PRKCD: variants seen among roughly 807,000 people sequenced by gnomAD.
PRKCD encodes protein kinase C delta type.
A neutral mutation model predicts 82.2 loss-of-function variants in PRKCD; 20 were observed. The observed-to-expected ratio is 0.24, with a 90% CI of 0.17 to 0.35. The LOEUF is 0.35. Among genes scored for constraint, PRKCD ranks in the 10% least tolerant of loss-of-function variants. The pLI, the probability that PRKCD is intolerant of heterozygous loss-of-function variation, is 1.00. For missense variants in PRKCD, 607 were observed against 899.0 expected (o/e 0.68, Z 4.15); for synonymous variants, 317 against 337.0 (o/e 0.94, Z 0.65).
intron 9 of PRKCD, 115 bp downstream of exon 9, chr3:53,183,696 C>T (rs982482621): frequency 7.1e-7 from 1 of 1,412,810 alleles, no homozygotes; most frequent in African/African-American, 1.4e-5. Context: ...GCACCTCATT[C>T]AGGGACCTGA....
rs1702950522 is a variant in PRKCD at position 53,169,593 on chromosome 3, G to A, written c.-20+4378G>A. Among the ~76,000 whole-genome samples the A allele has an allele frequency of 6.6e-6, 1 of 152,150 alleles. No homozygotes were observed. On this transcript the variant is annotated intron_variant, in intron 2 of 18. Transcript: ENST00000330452. The surrounding 1 kb of genome is among the most constrained non-coding windows in gnomAD (Gnocchi z 4.7). ...ATCAGATGTCTGCGTGGTGTAGGTT[G>A]TGGGCTGGGGTTGTTGGGGTGGGAG...
rs565695723 is a variant in PRKCD, at chr3:53,168,837, G to C, written c.-20+3622G>C. ...GTCAGGGAGGTAACGGTGATGGGGA[G>C]GGGGGTGGCGGGGGGCAGGCTGCAT... On this transcript the variant is annotated intron_variant, in intron 2 of 18. Coordinates refer to ENST00000330452, the MANE Select transcript of PRKCD (RefSeq NM_006254.4). Among the ~76,000 whole-genome samples, 147 of 151,130 alleles carry C rather than the reference G, an allele frequency of 9.7e-4. 1 individual carries two copies. The highest frequency in any genetic ancestry group is 3.5e-3 in the African/African-American group (142 of 41,086).
chr3:53,184,687 A>AG (rs1326529677), intron 9 of PRKCD, among the ~76,000 whole-genome samples, 187 bp from the exon 10 acceptor site: 1 of 151,208 alleles, frequency 6.6e-6, no homozygotes, highest in Non-Finnish European at 1.5e-5. Context: ...AAAAAAAAAA[A>AG]AAAAGAGAGA....
chr3:53,170,879 G>T (rs967627808), intron 2 of PRKCD, among the ~76,000 whole-genome samples: 7 of 152,062 alleles, frequency 4.6e-5, no homozygotes, highest in African/African-American at 1.7e-4. Flanking sequence ...GTCGGGTGTG[G>T]TCTGTGTGGG....
intron 1 of PRKCD, 114 bp downstream of exon 1, chr3:53,161,542 G>A (rs1189146211): frequency 4.0e-5 from 6 of 151,274 alleles, no homozygotes; most frequent in Non-Finnish European, 8.9e-5. Flanking sequence ...CTGAGCCGCG[G>A]TCAGCGAAAG....
rs1468361807 is a variant in PRKCD at position 53,169,957 on chromosome 3, A to G, written c.-20+4742A>G. On this transcript the variant is annotated intron_variant, in intron 2 of 18. Coordinates refer to ENST00000330452, the MANE Select transcript of PRKCD (RefSeq NM_006254.4). This position sits in a 1 kb window ranked among gnomAD's most constrained non-coding sequence, Gnocchi z 4.7. Reference sequence around the variant, plus strand: ...TCCTCTGTCCGCTGCCTGCTGTGGGATGGCGCACCATGCGGGATGGTCCTG... The same window carrying G: ...TCCTCTGTCCGCTGCCTGCTGTGGGGTGGCGCACCATGCGGGATGGTCCTG... Among the ~76,000 whole-genome samples the G allele has an allele frequency of 3.9e-5, 6 of 152,192 alleles. No homozygotes were observed. Among genetic ancestry groups the G allele is most frequent in the Admixed American group, 2.6e-4 (4 of 15,288 alleles).
rs781898358 is a variant in PRKCD at position 53,186,079 on chromosome 3, C to T, written c.1086+52C>T. 9.9e-6 allele frequency: 16 copies of T among 1,610,714 alleles called. No homozygotes were observed. In the South Asian group the frequency reaches 1.3e-4, roughly 13 times the overall value. ...TTCCCACCCCACCCTGGCTTCTTCC[C>T]GCTTAGGTGGCTGAGGTGGGAGTCT... On this transcript the variant is annotated intron_variant, in intron 12 of 18. Coordinates refer to ENST00000330452, the MANE Select transcript of PRKCD (RefSeq NM_006254.4).
intron 2 of PRKCD, among the ~76,000 whole-genome samples, chr3:53,175,462 A>G (rs991813819): frequency 2.0e-5 from 3 of 152,078 alleles, no homozygotes; most frequent in South Asian, 2.1e-4. Flanking sequence ...CCAAGAGACT[A>G]TTGCTCATCA....
At chr3:53,178,782 A>G (rs1208295707) in intron 3 of PRKCD, among the ~76,000 whole-genome samples, 1 of 152,104 alleles carries the variant, frequency 6.6e-6, no homozygotes, top group Non-Finnish European at 1.5e-5. Flanking sequence ...TGGTTGTTTT[A>G]CCCAGCAATT....
intron 2 of PRKCD, among the ~76,000 whole-genome samples, chr3:53,166,283 G>A (rs1702829697): frequency 6.6e-6 from 1 of 152,186 alleles, no homozygotes; most frequent in Non-Finnish European, 1.5e-5. Flanking sequence ...TGGTGTGGAG[G>A]AAGTAAAGCG....
At chr3:53,164,123 C>T (rs1702758834) in intron 1 of PRKCD, among the ~76,000 whole-genome samples, 1 of 152,144 alleles carries the variant, frequency 6.6e-6, no homozygotes, top group African/African-American at 2.4e-5. Flanking sequence ...TTGAGCTGGC[C>T]TTCAGAGAAA....
At position 53,192,163 on chromosome 3, in the gene PRKCD, G is replaced by A. The variant is rs369041593; in HGVS notation, c.1928G>A (p.Arg643His). The change falls in exon 19 of 19, where the codon CGC (arginine) becomes CAC (histidine). Residue 643 changes from arginine (R) to histidine (H), a missense_variant. Arg to His is a conservative substitution (Grantham distance 29, BLOSUM62 0). This residue lies in a region of PRKCD where 251 missense variants were observed against 423.9 expected (regional missense o/e 0.59). Transcript: ENST00000330452. ...FDQEFLNEKA[R>H]LSYSDKNLID... ...CAGGAGTTCCTGAACGAGAAGGCGC[G>A]CCTCTCCTACAGCGACAAGAACCTC... 1.2e-4 allele frequency: 191 copies of A among 1,613,912 alleles called. No individual in the cohort carries two copies. The highest frequency in any genetic ancestry group is 1.7e-4 in the Admixed American group (10 of 59,988).
chr3:53,178,101 A>C (rs1316127904), intron 2 of PRKCD, among the ~76,000 whole-genome samples: 1 of 151,766 alleles, frequency 6.6e-6, no homozygotes, highest in African/African-American at 2.4e-5. Flanking sequence ...ATGCACCACC[A>C]CACCCAGCTA....
intron 1 of PRKCD, 110 bp downstream of exon 1, chr3:53,161,538 C>G (rs899814649): frequency 1.3e-5 from 2 of 152,028 alleles, no homozygotes; most frequent in Non-Finnish European, 2.9e-5. Flanking sequence ...GAAACTGAGC[C>G]GCGGTCAGCG....
At chr3:53,186,904 G>A (rs1553669311) in intron 14 of PRKCD, among the ~76,000 whole-genome samples, 1 of 152,214 alleles carries the variant, frequency 6.6e-6, no homozygotes, top group African/African-American at 2.4e-5. Context: ...TGGGTGCGCA[G>A]CGCAAATACT....
Position 53,186,291 on chromosome 3 carries a change from C to T in PRKCD, c.1211C>T (p.Ala404Val), listed in dbSNP as rs782150167. The change falls in exon 13 of 19, where the codon GCC (alanine) becomes GTC (valine). Residue 404 changes from alanine (A) to valine (V), a missense_variant. Physicochemically the swap from Ala to Val is moderately conservative, Grantham distance 64 (BLOSUM62 0). Around this residue, in one of 5 missense-constraint regions of PRKCD, gnomAD observed 251 missense variants for 423.9 expected, o/e 0.59. Coordinates refer to ENST00000330452, the MANE Select transcript of PRKCD (RefSeq NM_006254.4). Reference protein sequence around the residue: ...TMVEKRVLTLAAENPFLTHLI... With the variant: ...TMVEKRVLTLVAENPFLTHLI... Reference sequence around the variant, plus strand: ...GTTGAGAAGCGGGTGCTGACACTTGCCGCAGAGAATCCCTTTCTCACCCAC... The same window carrying T: ...GTTGAGAAGCGGGTGCTGACACTTGTCGCAGAGAATCCCTTTCTCACCCAC... The T allele has an allele frequency of 6.2e-7, 1 of 1,614,174 alleles. No homozygotes were observed. The highest frequency in any genetic ancestry group is 2.2e-5 in the East Asian group (1 of 44,878).
Position 53,188,795 on chromosome 3 carries a change from G to A in PRKCD, c.1491G>A (p.Glu497=). 2 of 1,614,202 alleles carry A rather than the reference G, an allele frequency of 1.2e-6. No individual in the cohort carries two copies. The highest frequency in any genetic ancestry group is 1.7e-6 in the Non-Finnish European group (2 of 1,180,040). Residue 497 remains glutamate (E), a synonymous_variant, in exon 16 of 19, where the codon GAG becomes GAA. Transcript: ENST00000330452. ...IKIADFGMCK[E]NIFGESRAST... ...TTGCCGACTTTGGGATGTGCAAAGA[G>A]AACATATTCGGGGAGAGCCGGGCCA...
chr3:53,179,799 CGTGTGTGT>C (rs3830263), intron 4 of PRKCD, 23 bp downstream of exon 4: 3 of 1,410,008 alleles, frequency 2.1e-6, no homozygotes, highest in African/African-American at 2.8e-5. Flanking sequence ...CGAGCCGTGC[CGTGTGTGT>C]GTGTGTGTGT....
At chr3:53,186,578 C>T (rs1553669164) in intron 13 of PRKCD, 26 bp from the exon 14 acceptor site, 3 of 1,591,492 alleles carry the variant, frequency 1.9e-6, no homozygotes, top group Admixed American at 1.7e-5. Flanking sequence ...ATTCCTCACC[C>T]CTGCTCACCA....
Sources: allele counts gnomAD v4.1 joint callset (sites outside exome capture counted in the v4.1 genomes callset), GRCh38; gene constraint gnomAD v4.1.1; regional missense constraint gnomAD v4.1.1; non-coding constraint Gnocchi (gnomAD v3.1); transcripts MANE v1.5; gene names NCBI Gene and HGNC (gene_info 2026-07-23, HGNC 2026-07-21).